SIL1: variants seen among roughly 807,000 people sequenced by gnomAD.
The protein encoded by SIL1 is nucleotide exchange factor SIL1.
SIL1 carries 40 observed loss-of-function variants against 49.1 expected under a neutral mutation model. The observed-to-expected ratio is 0.81, with a 90% CI of 0.63 to 1.06. The LOEUF (loss-of-function observed/expected upper bound fraction) is 1.06. SIL1 is among the 50% of genes least tolerant of loss of function. The probability of loss-of-function intolerance (pLI) is 0.00; values close to 1 mark genes in which losing one functional copy is unlikely to be tolerated. For missense variants in SIL1, 500 were observed against 572.6 expected, an observed-to-expected ratio of 0.87 and a Z score of 1.29; for synonymous variants, 253 against 250.8, an observed-to-expected ratio of 1.01 and a Z score of -0.08.
At chr5:139,126,180 C>T (rs1488487369) in intron 2 of SIL1, among the ~76,000 whole-genome samples, 2 of 152,214 alleles carry the variant, frequency 1.3e-5, no homozygotes, top group African/African-American at 4.8e-5. Context: ...TTGTGCTTAG[C>T]ACATGATGAA....
At chr5:139,067,729 C>T (rs1769738589) in intron 3 of SIL1, among the ~76,000 whole-genome samples, 1 of 152,198 alleles carries the variant, frequency 6.6e-6, no homozygotes, top group South Asian at 2.1e-4. Context: ...TTGCAGCAAC[C>T]GGCATCCTAA....
Position 138,948,957 on chromosome 5 carries a change from A to G in SIL1, c.1030-1484T>C, listed in dbSNP as rs941205331. Among the ~76,000 whole-genome samples, 2 of 152,016 alleles carry G rather than the reference A, an allele frequency of 1.3e-5. No individual in the cohort carries two copies. The highest frequency in any genetic ancestry group is 2.4e-5 in the African/African-American group (1 of 41,360). On this transcript the variant is annotated intron_variant, in intron 9 of 9. Transcript: ENST00000394817. This position sits in a 1 kb window ranked among gnomAD's most constrained non-coding sequence, Gnocchi z 4.8. The stretch of plus-strand genomic sequence containing the variant: ...GGCTCCCGCCAGATGCACCCACCCA[A>G]TCGTGGATTTCCCAGCCTCCCGAAT...
At chr5:139,125,610 T>C (rs1299803176) in intron 2 of SIL1, among the ~76,000 whole-genome samples, 1 of 152,182 alleles carries the variant, frequency 6.6e-6, no homozygotes, top group Non-Finnish European at 1.5e-5. Context: ...TTGTGCCAGT[T>C]TCAATGCCAG....
At chr5:139,067,404 C>A (rs1490226258) in intron 3 of SIL1, among the ~76,000 whole-genome samples, 1 of 152,122 alleles carries the variant, frequency 6.6e-6, no homozygotes, top group African/African-American at 2.4e-5. Flanking sequence ...AGTATTATCA[C>A]CTCTGATAAC....
intron 1 of SIL1, among the ~76,000 whole-genome samples, chr5:139,162,277 GA>G (rs1466878592): frequency 2.0e-5 from 3 of 152,166 alleles, no homozygotes; most frequent in Non-Finnish European, 4.4e-5. Context: ...CCTGTCTAAT[GA>G]CCTTATCTAA....
intron 1 of SIL1, among the ~76,000 whole-genome samples, chr5:139,148,713 C>T (rs1408006251): frequency 1.3e-5 from 2 of 152,118 alleles, no homozygotes; most frequent in African/African-American, 2.4e-5. Context: ...GCCAAGTGGC[C>T]GTCCTTTGCC....
chr5:139,042,589 G>A (rs1769070270), intron 5 of SIL1, 31 bp downstream of exon 5: 4 of 1,581,320 alleles, frequency 2.5e-6, no homozygotes, highest in Admixed American at 1.7e-5. Flanking sequence ...CATGCTGCAG[G>A]CTTATACTCA....
chr5:139,057,412 T>A (rs1474488832), intron 3 of SIL1, among the ~76,000 whole-genome samples: 1 of 151,362 alleles, frequency 6.6e-6, no homozygotes, highest in Non-Finnish European at 1.5e-5. Flanking sequence ...GGGCTTCATG[T>A]GCACATGGTT....
At chr5:139,120,088 TG>T (rs1750592292) in intron 3 of SIL1, among the ~76,000 whole-genome samples, 1 of 152,236 alleles carries the variant, frequency 6.6e-6, no homozygotes, top group Admixed American at 6.5e-5. Flanking sequence ...GAAAGCTGGC[TG>T]GCACAGCAAA....
At chr5:139,155,448 T>TGAGAGAGAGACAGAGAGAGAGAGAGAGA (rs1751387229) in intron 1 of SIL1, 1 of 125,910 alleles carries the variant, frequency 7.9e-6, no homozygotes, top group Non-Finnish European at 1.8e-5. Context: ...GTACACAGAG[T>TGAGAGAGAGACAGAGAGAGAGAGAGAGA]GAGAGAGAGA....
At chr5:139,100,898 G>T (rs541822354) in intron 3 of SIL1, among the ~76,000 whole-genome samples, 1 of 151,892 alleles carries the variant, frequency 6.6e-6, no homozygotes, top group East Asian at 1.9e-4. Flanking sequence ...TGGATCTGAA[G>T]TTCAGAGAAG....
In SIL1 at chr5:139,185,528, TAA is replaced by T. The variant is rs1477155735; in HGVS notation, c.-11+12739_-11+12740del. On this transcript the variant is annotated intron_variant, in intron 1 of 9. Coordinates refer to ENST00000394817, the MANE Select transcript of SIL1 (RefSeq NM_022464.5). Reference sequence around the variant, plus strand: ...AAATTGGTTTTGTATACATTTCACTTAAAGTCACAGTTTCCAAGAACTTATGA... The same window carrying T: ...AAATTGGTTTTGTATACATTTCACTTAGTCACAGTTTCCAAGAACTTATGA... Among the ~76,000 whole-genome samples, 4 of 152,328 alleles carry T rather than the reference TAA, an allele frequency of 2.6e-5. No individual in the cohort carries two copies. The East Asian group carries it at 7.7e-4, about 29-fold the overall frequency.
At chr5:139,073,214 T>C (rs1035450395) in intron 3 of SIL1, among the ~76,000 whole-genome samples, 1 of 152,092 alleles carries the variant, frequency 6.6e-6, no homozygotes, top group African/African-American at 2.4e-5. Context: ...TAAATAACCA[T>C]AGGAAATAAA....
chr5:139,136,191 T>C (rs1750971155), intron 1 of SIL1, among the ~76,000 whole-genome samples: 1 of 152,208 alleles, frequency 6.6e-6, no homozygotes, highest in South Asian at 2.1e-4. Flanking sequence ...AGAAGTGAGC[T>C]TAAGGCTCAA....
intron 3 of SIL1, among the ~76,000 whole-genome samples, chr5:139,064,407 G>A (rs74971260): frequency 0.011 from 1,690 of 152,312 alleles, 55 homozygotes; most frequent in East Asian, 0.086. Flanking sequence ...CAGAGTGGGA[G>A]AAGAGGCAGA....
At chr5:139,181,456 G>A (rs1232829289) in intron 1 of SIL1, among the ~76,000 whole-genome samples, 1 of 152,198 alleles carries the variant, frequency 6.6e-6, no homozygotes, top group Non-Finnish European at 1.5e-5. Flanking sequence ...GGGACAAGCA[G>A]TACCAAATCA....
intron 3 of SIL1, among the ~76,000 whole-genome samples, chr5:139,090,874 G>A (rs1026943307): frequency 2.0e-5 from 3 of 152,106 alleles, no homozygotes; most frequent in South Asian, 2.1e-4. Context: ...CCAAAGGGCC[G>A]GGATTGTAAC....
chr5:139,156,565 G>T (rs1317224746), intron 1 of SIL1, among the ~76,000 whole-genome samples: 1 of 152,126 alleles, frequency 6.6e-6, no homozygotes, highest in Non-Finnish European at 1.5e-5. Context: ...AACTTAAAAT[G>T]ATTATCCTGG....
At chr5:139,194,987 T>C (rs1331825606) in intron 1 of SIL1, among the ~76,000 whole-genome samples, 5 of 149,582 alleles carry the variant, frequency 3.3e-5, no homozygotes, top group Non-Finnish European at 5.9e-5. Context: ...TGGAGTGCAA[T>C]GGCACAATGA....
Sources: allele counts gnomAD v4.1 joint callset (sites outside exome capture counted in the v4.1 genomes callset), GRCh38; gene constraint gnomAD v4.1.1; non-coding constraint Gnocchi (gnomAD v3.1); transcripts MANE v1.5; gene names NCBI Gene and HGNC (gene_info 2026-07-23, HGNC 2026-07-21).